The following FAM184A variants were observed in gnomAD, a reference collection of about 807,000 sequenced individuals.
FAM184A encodes family with sequence similarity 184 member A.
In FAM184A, 99 loss-of-function variants were observed where a neutral mutation model predicts 143.8. That is an observed-to-expected ratio of 0.69 (90% CI 0.58 to 0.81). The LOEUF is 0.81. Ranked by LOEUF, FAM184A falls within the 40% of genes least tolerant of loss-of-function variation. The probability of loss-of-function intolerance (pLI) is 0.00; values close to 1 mark genes in which losing one functional copy is unlikely to be tolerated. For missense variants in FAM184A, 1,217 were observed against 1,310.5 expected (o/e 0.93, Z 1.10); for synonymous variants, 427 against 446.4 (o/e 0.96, Z 0.55).
At position 119,058,174 on chromosome 6, in the gene FAM184A, TC is replaced by T. The variant is rs1787077695; in HGVS notation, c.159+19966del. On this transcript the variant is annotated intron_variant, in intron 1 of 17. Transcript: ENST00000338891. ...GAAGTAGAGTCCAATTCTCCTTCTCTCTTTTTTTTTTTTTTTTTTTTTTTTT... is the reference window on the plus strand; with the variant it reads ...GAAGTAGAGTCCAATTCTCCTTCTCTTTTTTTTTTTTTTTTTTTTTTTTTT... 6.2e-5 allele frequency among the ~76,000 whole-genome samples: 8 copies of T among 129,206 alleles called. 1 individual carries two copies. Among genetic ancestry groups the T allele is most frequent in the African/African-American group, 1.6e-4 (5 of 30,626 alleles). The allele number at this position is 129,206 out of a possible 152,430, so 84.8% of individuals were successfully genotyped here.
At chr6:119,046,068 A>G (rs1554191945) in intron 1 of FAM184A, among the ~76,000 whole-genome samples, 1 of 152,166 alleles carries the variant, frequency 6.6e-6, no homozygotes, top group Non-Finnish European at 1.5e-5. Context: ...CCTTTATCTT[A>G]TTACAACTGT....
chr6:119,080,995 G>T (rs890479454), upstream of FAM184A, among the ~76,000 whole-genome samples: 5 of 152,104 alleles, frequency 3.3e-5, no homozygotes, highest in Non-Finnish European at 4.4e-5. Context: ...TTACATGGCT[G>T]GAGCAGGAGG....
At chr6:119,109,680 A>C (rs1788880861) in intron 1 of FAM184A, among the ~76,000 whole-genome samples, 1 of 152,250 alleles carries the variant, frequency 6.6e-6, no homozygotes, top group Admixed American at 6.5e-5. Flanking sequence ...GTTAATGAAC[A>C]GAGACTCCCA....
At chr6:119,117,473 T>C (rs1008416255) in intron 1 of FAM184A, among the ~76,000 whole-genome samples, 1 of 152,194 alleles carries the variant, frequency 6.6e-6, no homozygotes, top group African/African-American at 2.4e-5. Flanking sequence ...AGTACAGCAA[T>C]GTATAATCGG....
chr6:118,965,110 T>C (rs934492758), intron 15 of FAM184A, among the ~76,000 whole-genome samples: 3 of 152,200 alleles, frequency 2.0e-5, no homozygotes, highest in Admixed American at 6.5e-5. Context: ...GACTGAATTG[T>C]TTCCACAGAT....
chr6:119,128,167 C>A (rs936338522), intron 1 of FAM184A, among the ~76,000 whole-genome samples: 4 of 152,096 alleles, frequency 2.6e-5, no homozygotes, highest in Non-Finnish European at 5.9e-5. Context: ...GGTATGCAAA[C>A]CCAGGTTTGG....
At chr6:119,135,657 G>A (rs1442727376) in intron 1 of FAM184A, among the ~76,000 whole-genome samples, 1 of 152,114 alleles carries the variant, frequency 6.6e-6, no homozygotes, top group Non-Finnish European at 1.5e-5. Context: ...CTGGAAAAGA[G>A]AGTTGAGTTT....
intron 1 of FAM184A, among the ~76,000 whole-genome samples, chr6:119,075,890 T>A (rs773005299): frequency 1.1e-4 from 17 of 152,162 alleles, no homozygotes; most frequent in Non-Finnish European, 2.5e-4. Context: ...AGAAAGCAAG[T>A]CTTATATGTT....
intron 1 of FAM184A, among the ~76,000 whole-genome samples, chr6:119,103,135 G>T (rs963369642): frequency 1.3e-5 from 2 of 152,176 alleles, no homozygotes; most frequent in Non-Finnish European, 2.9e-5. Flanking sequence ...CCATGACAAG[G>T]ATAGAGAAGG....
intron 1 of FAM184A, among the ~76,000 whole-genome samples, chr6:119,026,398 C>G (rs1785636106): frequency 1.3e-5 from 2 of 152,108 alleles, no homozygotes; most frequent in Non-Finnish European, 2.9e-5. Flanking sequence ...ATTCCCATCC[C>G]CTTGGGTCAT....
Position 119,022,693 on chromosome 6 carries a change from G to A in FAM184A, c.1150+252C>T, listed in dbSNP as rs112248754. Among the ~76,000 whole-genome samples, 988 of 152,098 alleles carry A rather than the reference G, an allele frequency of 6.5e-3. 13 individuals are homozygous for A. The highest frequency in any genetic ancestry group is 0.022 in the African/African-American group (907 of 41,486). On this transcript the variant is annotated intron_variant, in intron 3 of 17. Transcript: ENST00000338891. ...AGTTCGAGACCAGCCTGGGCAACAC[G>A]GTGAAACTCCATCTCTACTAAAAAT...
intron 1 of FAM184A, among the ~76,000 whole-genome samples, chr6:119,073,980 C>T (rs1787782215): frequency 6.6e-6 from 1 of 152,184 alleles, no homozygotes; most frequent in Non-Finnish European, 1.5e-5. Context: ...GGTGAAGGTA[C>T]TGCTAGCTCC....
rs940336135 is a variant in FAM184A at position 119,078,229 on chromosome 6, G to A, written c.71C>T (p.Pro24Leu). The A allele has an allele frequency of 2.6e-6, 4 of 1,540,844 alleles. No homozygotes were observed. The highest frequency in any genetic ancestry group is 3.5e-6 in the Non-Finnish European group (4 of 1,147,134). The change falls in exon 1 of 18, where the codon CCG (proline) becomes CTG (leucine). Residue 24 changes from proline (P) to leucine (L), a missense_variant. Coordinates refer to ENST00000338891, the MANE Select transcript of FAM184A (RefSeq NM_024581.6). This position sits in a 1 kb window ranked among gnomAD's most constrained non-coding sequence, Gnocchi z 5.5. ...GTGCCCAGCCAGCTGTGCGGTGGCCGGCGAGGGCGCGAATTTGGCCGCCGA... is the reference window on the plus strand; with the variant it reads ...GTGCCCAGCCAGCTGTGCGGTGGCCAGCGAGGGCGCGAATTTGGCCGCCGA... The part of the protein sequence containing the change: ...GGSAAKFAPS[P>L]ATAQLAGHSM...
chr6:118,983,892 T>G (rs1014067974), intron 9 of FAM184A, among the ~76,000 whole-genome samples: 6 of 151,834 alleles, frequency 4.0e-5, no homozygotes, highest in Non-Finnish European at 7.4e-5. Flanking sequence ...CTCATGCCTG[T>G]AATCCCTGCA....
intron 1 of FAM184A, among the ~76,000 whole-genome samples, chr6:119,050,006 AG>A (rs1390208947): frequency 2.6e-5 from 4 of 152,248 alleles, no homozygotes; most frequent in African/African-American, 9.6e-5. Flanking sequence ...CCCATTAAAA[AG>A]TGGACAAAGG....
intron 1 of FAM184A, among the ~76,000 whole-genome samples, chr6:119,067,346 G>A (rs1362371035): frequency 6.6e-6 from 1 of 152,160 alleles, no homozygotes; most frequent in Non-Finnish European, 1.5e-5. Flanking sequence ...TAGTCACTTA[G>A]GCCCCTAACA....
Position 119,024,776 on chromosome 6 carries a change from T to A in FAM184A, c.197A>T (p.Glu66Val). 1 of 1,611,094 alleles carries A rather than the reference T, an allele frequency of 6.2e-7. No homozygotes were observed. The highest frequency in any genetic ancestry group is 8.5e-7 in the Non-Finnish European group (1 of 1,179,348). The change falls in exon 2 of 18, where the codon GAA (glutamate) becomes GTA (valine). Residue 66 changes from glutamate to valine, a missense_variant. By Grantham distance (121) the Glu-to-Val change is moderately radical. Coordinates refer to ENST00000338891, the MANE Select transcript of FAM184A (RefSeq NM_024581.6). ...YALNTKNDEH[E>V]SAIQALKDAH... ...ATCTTTGAGGGCTTGAATTGCAGATTCATGCTCATCATTTTTAGTGTTTAA... is the reference window on the plus strand; with the variant it reads ...ATCTTTGAGGGCTTGAATTGCAGATACATGCTCATCATTTTTAGTGTTTAA...
In FAM184A at chr6:119,006,540, A is replaced by G. The variant is rs764277056; in HGVS notation, c.1722T>C (p.Ala574=). The part of the protein sequence containing the change: ...QGLGSAEGLI[A]SLQDSQERLQ... ...GCCTTTCCTGGGAGTCCTGAAGACT[A>G]GCAATAAGTCCTTCTGCAGAGCCAA... is the stretch of plus-strand genomic sequence containing the variant. The change falls in exon 7 of 18, where the codon GCT becomes GCC. Residue 574 remains alanine, a synonymous_variant. Transcript: ENST00000338891. 2.5e-6 allele frequency: 4 copies of G among 1,614,048 alleles called. No homozygotes were observed. The Admixed American group carries it at 5.0e-5, about 20-fold the overall frequency.
chr6:119,079,017 G>C (rs923720924), upstream of FAM184A: 1 of 152,154 alleles, frequency 6.6e-6, no homozygotes, highest in Non-Finnish European at 1.5e-5. Flanking sequence ...TCGGTTAGCA[G>C]AACGGGTGTC....
Sources: gnomAD v4.1 joint callset for allele counts (sites outside exome capture counted in the v4.1 genomes callset) on GRCh38, gnomAD v4.1.1 for gene constraint, Gnocchi (gnomAD v3.1) non-coding constraint, MANE v1.5 for transcripts, NCBI Gene and HGNC (gene_info 2026-07-23, HGNC 2026-07-21) for gene names.